Variants in USP9X observed in about 807,000 individuals in gnomAD.
The protein encoded by USP9X is ubiquitin specific peptidase 9 X-linked, also known as ubiquitin carboxyl-terminal hydrolase 9X.
In USP9X, 7 loss-of-function variants were observed where a neutral mutation model predicts 190.3. That is an observed-to-expected ratio of 0.04 (90% CI 0.02 to 0.07). The LOEUF (loss-of-function observed/expected upper bound fraction) is 0.07. Ranked by LOEUF, USP9X falls within the 10% of genes least tolerant of loss-of-function variation. The pLI is 1.00. For synonymous variants in USP9X, 645 were observed against 659.5 expected, an observed-to-expected ratio of 0.98 and a Z score of 0.34; for missense variants, 1,010 against 1,916.9, an observed-to-expected ratio of 0.53 and a Z score of 8.83.
Position 41,167,996 on chromosome X carries a change from G to T in USP9X, c.2425-11G>T. On this transcript the variant is annotated splice_polypyrimidine_tract_variant and intron_variant, in intron 17 of 44. Coordinates refer to ENST00000378308, the MANE Select transcript of USP9X (RefSeq NM_001039591.3). ...AATTTTAACTGTGTTTATTTGGCCT[G>T]ATATTTGTAGGTGGTGATCCATGAA... The T allele has an allele frequency of 8.4e-7, 1 of 1,187,694 alleles. No individual in the cohort carries two copies. The highest frequency in any genetic ancestry group is 1.1e-6 in the Non-Finnish European group (1 of 881,667).
intron 1 of USP9X, among the ~76,000 whole-genome samples, chrX:41,118,669 G>C (rs1381685813): frequency 2.7e-5 from 3 of 111,179 alleles, no homozygotes; most frequent in Non-Finnish European, 5.7e-5. Context: ...AGGGAGTGGA[G>C]GTTGTATTTA....
chrX:41,105,595 C>T (rs937771785), intron 1 of USP9X, among the ~76,000 whole-genome samples: 2 of 111,936 alleles, frequency 1.8e-5, no homozygotes, highest in Non-Finnish European at 3.8e-5. Flanking sequence ...TGACTAATGC[C>T]GCTATGAACA....
At chrX:41,217,182 A>G (rs753033507) in intron 35 of USP9X, 38 bp from the exon 36 acceptor site, 16 of 1,161,807 alleles carry the variant, frequency 1.4e-5, no homozygotes, top group Non-Finnish European at 1.7e-5. Flanking sequence ...GGGGTTGGAA[A>G]ATAAAAATGT....
rs34179321 is a variant in USP9X at position 41,099,096 on chromosome X, G to GTTTTTTTTT, written c.-159+13005_-159+13013dup. Among the ~76,000 whole-genome samples, 350 of 44,261 alleles carry GTTTTTTTTT rather than the reference G, an allele frequency of 7.9e-3. 34 individuals carry two copies. Among genetic ancestry groups the GTTTTTTTTT allele is most frequent in the African/African-American group, 0.025 (247 of 9,926 alleles). The allele number at this position is 44,261 out of a possible 115,157, so 38.4% of individuals were successfully genotyped here. A position where few individuals can be genotyped will look rare whatever the true frequency, so the allele number is the denominator to read the frequency against. Reference sequence around the variant, plus strand: ...CACATGCCATAATGCCCAGATAATTGTTTTTTTTTTTTTTTTTTTTTTTTT... The same window carrying GTTTTTTTTT: ...CACATGCCATAATGCCCAGATAATTGTTTTTTTTTTTTTTTTTTTTTTTTTTTTTTTTTT... On this transcript the variant is annotated intron_variant, in intron 1 of 44. Transcript: ENST00000378308.
chrX:41,180,741 T>A (rs2062817970), intron 21 of USP9X, among the ~76,000 whole-genome samples: 1 of 112,149 alleles, frequency 8.9e-6, no homozygotes, highest in Admixed American at 9.4e-5. Context: ...CACTTAGTAT[T>A]CATTAAACAT....
Position 41,201,025 on chromosome X carries a change from C to T in USP9X, c.4604-35C>T, listed in dbSNP as rs371100060. The T allele has an allele frequency of 7.0e-5, 82 of 1,177,590 alleles. No individual in the cohort carries two copies. The Middle Eastern group carries it at 9.6e-4, about 14-fold the overall frequency. On this transcript the variant is annotated intron_variant, in intron 30 of 44. Transcript: ENST00000378308. Reference sequence around the variant, plus strand: ...ATAGAGTTTGAAAGGACAGAATGGCCGTGTTCATGCTACAAGAATCTTTCC... The same window carrying T: ...ATAGAGTTTGAAAGGACAGAATGGCTGTGTTCATGCTACAAGAATCTTTCC...
chrX:41,169,876 T>C, intron 18 of USP9X, 119 bp from the exon 19 acceptor site: 1 of 918,338 alleles, frequency 1.1e-6, no homozygotes, highest in Non-Finnish European at 1.5e-6. Flanking sequence ...TATCTTTAAT[T>C]CACATCCTCT....
intron 6 of USP9X, 24 bp downstream of exon 6, chrX:41,137,046 A>G: frequency 3.5e-6 from 4 of 1,151,940 alleles, no homozygotes; most frequent in Non-Finnish European, 4.7e-6. Flanking sequence ...TTATTTTCAA[A>G]ATTAAATAAT....
At chrX:41,149,233 G>A (rs2091191629) in intron 12 of USP9X, among the ~76,000 whole-genome samples, 1 of 111,756 alleles carries the variant, frequency 8.9e-6, no homozygotes, top group African/African-American at 3.3e-5. Context: ...AGTAATAAGG[G>A]CCTTGAGTAT....
rs745501379 is a variant in USP9X, at chrX:41,134,764, G to A, written c.362G>A (p.Arg121His). 1.7e-6 allele frequency: 2 copies of A among 1,209,961 alleles called. No homozygotes were observed. The highest frequency in any genetic ancestry group is 2.2e-6 in the Non-Finnish European group (2 of 894,635). The change falls in exon 5 of 45, where the codon CGT (arginine) becomes CAT (histidine). Residue 121 changes from arginine (R) to histidine (H), a missense_variant. This residue lies in a region of USP9X where 176 missense variants were observed against 247.5 expected (regional missense o/e 0.71). Transcript: ENST00000378308. ...VKSEACQRFF[R>H]DGLTISFTKI... ...AGTGAAGCATGTCAGCGATTTTTCC[G>A]TGATGGGCTAACAATATCATTCACT...
intron 1 of USP9X, among the ~76,000 whole-genome samples, chrX:41,095,070 T>G (rs762936795): frequency 1.4e-4 from 16 of 110,681 alleles, no homozygotes; most frequent in East Asian, 5.7e-4. Context: ...GTTCAGATTT[T>G]GGAGCATTTT....
intron 12 of USP9X, 74 bp downstream of exon 12, chrX:41,148,649 T>C: frequency 1.1e-6 from 1 of 940,084 alleles, no homozygotes; most frequent in Non-Finnish European, 1.5e-6. Context: ...ACAGGATAGT[T>C]CTGTTACTCT....
chrX:41,183,278 A>C (rs1289746169), intron 21 of USP9X, among the ~76,000 whole-genome samples: 1 of 108,927 alleles, frequency 9.2e-6, no homozygotes. Flanking sequence ...TACTTAAAAA[A>C]AAAAAAAAAA....
rs2146901704 is a variant in USP9X at position 41,088,565 on chromosome X, ATTAG to A, written c.-159+2460_-159+2463del. 2.7e-5 allele frequency among the ~76,000 whole-genome samples: 3 copies of A among 112,488 alleles called. No homozygotes were observed. The South Asian group carries it at 1.1e-3, about 41-fold the overall frequency. The stretch of plus-strand genomic sequence containing the variant: ...TCTTTGTTTAAAACAGATGTTAAGA[ATTAG>A]TTATTTGAAATATCTAGCAGTGTGT... On this transcript the variant is annotated intron_variant, in intron 1 of 44. Coordinates refer to ENST00000378308, the MANE Select transcript of USP9X (RefSeq NM_001039591.3).
chrX:41,087,369 C>T (rs1254953844), intron 1 of USP9X, among the ~76,000 whole-genome samples: 2 of 112,144 alleles, frequency 1.8e-5, no homozygotes, highest in South Asian at 3.7e-4. Flanking sequence ...TAGGTAAGGA[C>T]TCCTTAACCA....
At chrX:41,188,645 G>A (rs1191535581) in intron 25 of USP9X, among the ~76,000 whole-genome samples, 1 of 111,595 alleles carries the variant, frequency 9.0e-6, no homozygotes, top group Non-Finnish European at 1.9e-5. Context: ...GAGAAATTGA[G>A]TTACAGGAAC....
At chrX:41,149,430 T>C (rs749326952) in intron 12 of USP9X, among the ~76,000 whole-genome samples, 1 of 111,285 alleles carries the variant, frequency 9.0e-6, no homozygotes, top group Non-Finnish European at 1.9e-5. Context: ...GACTGTTGCC[T>C]TTTTTCAACT....
At chrX:41,200,216 A>AT (rs11322533) in intron 30 of USP9X, among the ~76,000 whole-genome samples, 45 of 107,609 alleles carry the variant, frequency 4.2e-4, no homozygotes, top group African/African-American at 9.8e-4. Flanking sequence ...GAATTCTTGT[A>AT]TTTTTTTTTT....
chrX:41,145,456 G>A (rs1347363024), intron 11 of USP9X, among the ~76,000 whole-genome samples: 1 of 111,887 alleles, frequency 8.9e-6, no homozygotes, highest in East Asian at 2.8e-4. Context: ...AACCTGCTAT[G>A]TAGGATAGAT....
Sources: allele counts gnomAD v4.1 joint callset (sites outside exome capture counted in the v4.1 genomes callset), GRCh38; gene constraint gnomAD v4.1.1; regional missense constraint gnomAD v4.1.1; transcripts MANE v1.5; gene names NCBI Gene and HGNC (gene_info 2026-07-23, HGNC 2026-07-21).